RBFOX1: variants seen among roughly 807,000 people sequenced by gnomAD.
RBFOX1 encodes RNA binding fox-1 homolog 1.
Under a neutral mutation model 57.7 loss-of-function variants are expected in RBFOX1, and 8 were observed. The observed-to-expected ratio is 0.14, with a 90% CI of 0.08 to 0.25. RBFOX1 has a LOEUF of 0.25. Among genes scored for constraint, RBFOX1 ranks in the 10% least tolerant of loss-of-function variants. The pLI is 1.00. For missense variants in RBFOX1, 611 were observed against 548.5 expected (o/e 1.11, Z -1.14); for synonymous variants, 326 against 222.4 (o/e 1.47, Z -4.15).
rs577079349 is a variant in RBFOX1, at chr16:6,066,878, A to C, written c.-127+46886A>C. Among the ~76,000 whole-genome samples the C allele has an allele frequency of 2.6e-5, 4 of 152,198 alleles. No individual in the cohort carries two copies. The East Asian group carries it at 7.8e-4, about 30-fold the overall frequency. ...ATTTGCAGCAGAAGGTAATTGCTTT[A>C]GACTTAACAGGCTGCATTTGACCGT... is the stretch of plus-strand genomic sequence containing the variant. On this transcript the variant is annotated intron_variant, in intron 1 of 15. Coordinates refer to ENST00000550418, the MANE Select transcript of RBFOX1 (RefSeq NM_018723.4).
intron 4 of RBFOX1, among the ~76,000 whole-genome samples, chr16:7,344,179 T>G (rs1296571764): frequency 6.7e-6 from 1 of 149,198 alleles, no homozygotes; most frequent in Non-Finnish European, 1.5e-5. Flanking sequence ...ATGGCCCATA[T>G]TAAAAGTGCC....
chr16:5,980,597 A>T (rs1196630202), intron 4 of RBFOX1, among the ~76,000 whole-genome samples: 3 of 152,104 alleles, frequency 2.0e-5, no homozygotes, highest in Admixed American at 2.0e-4. Flanking sequence ...CCCAGAGTTG[A>T]GGGGTCTGCT....
chr16:6,716,248 C>T (rs2064797293), intron 3 of RBFOX1, among the ~76,000 whole-genome samples: 1 of 152,114 alleles, frequency 6.6e-6, no homozygotes, highest in Non-Finnish European at 1.5e-5. Flanking sequence ...ATGTATTTCC[C>T]CTTTGCCTGG....
intron 1 of RBFOX1, among the ~76,000 whole-genome samples, chr16:6,215,677 C>G (rs995860477): frequency 2.0e-5 from 3 of 152,106 alleles, no homozygotes; most frequent in East Asian, 3.9e-4. Context: ...CATTTTGTCT[C>G]TCCCTCCCTT....
intron 3 of RBFOX1, among the ~76,000 whole-genome samples, chr16:6,907,593 G>A (rs780275837): frequency 8.8e-4 from 134 of 152,126 alleles, no homozygotes; most frequent in Non-Finnish European, 1.5e-3. Flanking sequence ...TGTTTTTGAT[G>A]GAGTCTCACT....
rs184721252 is a variant in RBFOX1, at chr16:5,779,915, T to G, written c.319-87388T>G. On this transcript the variant is annotated intron_variant, in intron 3 of 19. Transcript: ENST00000641259. ...GTAAAATAAATGGAGATGGTAATCA[T>G]ACTGATCTGAGAGTTTTCGAAAATA... Among the ~76,000 whole-genome samples, 25 of 152,350 alleles carry G rather than the reference T, an allele frequency of 1.6e-4. No homozygotes were observed. The East Asian group carries it at 4.2e-3, about 26-fold the overall frequency.
intron 3 of RBFOX1, among the ~76,000 whole-genome samples, chr16:6,967,022 A>G (rs980945951): frequency 5.3e-5 from 8 of 151,968 alleles, no homozygotes; most frequent in South Asian, 2.1e-4. Flanking sequence ...GTATGTACCT[A>G]TCTACTTATC....
chr16:5,393,347 A>T (rs1379425213), intron 1 of RBFOX1, among the ~76,000 whole-genome samples: 1 of 152,208 alleles, frequency 6.6e-6, no homozygotes. Context: ...GCTTGGGTGT[A>T]TCTGTCCGTG....
intron 3 of RBFOX1, among the ~76,000 whole-genome samples, chr16:5,854,565 C>A (rs1320100360): frequency 1.5e-5 from 2 of 134,544 alleles, no homozygotes; most frequent in African/African-American, 6.2e-5. Flanking sequence ...TTACCCCCCC[C>A]ACACACAAGC....
In RBFOX1 at chr16:6,771,765, C is replaced by A. The variant is rs141656548; in HGVS notation, c.-16+117115C>A. Among the ~76,000 whole-genome samples the A allele has an allele frequency of 1.5e-3, 231 of 152,284 alleles. 1 individual carries two copies. Among genetic ancestry groups the A allele is most frequent in the Non-Finnish European group, 2.9e-3 (195 of 68,026 alleles). On this transcript the variant is annotated intron_variant, in intron 3 of 15. Transcript: ENST00000550418. The stretch of plus-strand genomic sequence containing the variant: ...ATGCTGTTTAACATCTCACAATGCA[C>A]AGGACAGCCCCCTATGACAATAAGT...
intron 2 of RBFOX1, among the ~76,000 whole-genome samples, chr16:6,562,102 C>A (rs530209759): frequency 6.6e-6 from 1 of 152,170 alleles, no homozygotes; most frequent in Admixed American, 6.5e-5. Flanking sequence ...CTACTGATGT[C>A]GGCTGCATGG....
intron 1 of RBFOX1, among the ~76,000 whole-genome samples, chr16:6,301,726 G>T (rs2152743787): frequency 6.6e-6 from 1 of 152,242 alleles, no homozygotes; most frequent in Admixed American, 6.5e-5. Context: ...CTTAGCAAAT[G>T]CTCTGTAACT....
chr16:7,249,613 G>A (rs1045339598), intron 4 of RBFOX1, among the ~76,000 whole-genome samples: 45 of 145,696 alleles, frequency 3.1e-4, no homozygotes, highest in Non-Finnish European at 5.8e-4. Flanking sequence ...AAAAAAAAAA[G>A]AGCCTGTAAG....
chr16:6,598,968 A>G (rs575863820), intron 2 of RBFOX1, among the ~76,000 whole-genome samples: 163 of 147,756 alleles, frequency 1.1e-3, no homozygotes, highest in African/African-American at 3.8e-3. Context: ...AAACAAAACA[A>G]ACTCCTCTGT....
intron 2 of RBFOX1, among the ~76,000 whole-genome samples, chr16:6,562,594 G>A (rs2097192750): frequency 6.6e-6 from 1 of 152,172 alleles, no homozygotes; most frequent in Non-Finnish European, 1.5e-5. Context: ...GTTATAAGTG[G>A]TTGTGCAAGT....
chr16:6,661,157 A>T (rs564464769), intron 3 of RBFOX1, among the ~76,000 whole-genome samples: 2 of 152,164 alleles, frequency 1.3e-5, no homozygotes, highest in African/African-American at 2.4e-5. Flanking sequence ...TTCCTGTAAT[A>T]CCACTGATTT....
At chr16:5,785,802 T>C (rs911640443) in intron 3 of RBFOX1, among the ~76,000 whole-genome samples, 1 of 152,118 alleles carries the variant, frequency 6.6e-6, no homozygotes, top group African/African-American at 2.4e-5. Flanking sequence ...GCTGGGATTA[T>C]AGACATGAGC....
chr16:5,768,169 G>A (rs1314311764), intron 3 of RBFOX1, among the ~76,000 whole-genome samples: 1 of 152,162 alleles, frequency 6.6e-6, no homozygotes, highest in Non-Finnish European at 1.5e-5. Context: ...GTGGCCGCGT[G>A]AGATATATAG....
intron 1 of RBFOX1, among the ~76,000 whole-genome samples, chr16:6,179,381 G>A (rs2097043661): frequency 6.6e-6 from 1 of 152,174 alleles, no homozygotes; most frequent in African/African-American, 2.4e-5. Flanking sequence ...GATGTTTAGA[G>A]CTAGGTTTAT....
Sources: gnomAD v4.1 joint callset for allele counts (sites outside exome capture counted in the v4.1 genomes callset) on GRCh38, gnomAD v4.1.1 for gene constraint, MANE v1.5 for transcripts, NCBI Gene and HGNC (gene_info 2026-07-23, HGNC 2026-07-21) for gene names.